DGKD: variants seen among roughly 807,000 people sequenced by gnomAD.
DGKD encodes the protein DAG kinase delta.
In DGKD, 68 loss-of-function variants were observed where a neutral mutation model predicts 154.4. The ratio of observed to expected loss-of-function variants is 0.44; its 90% CI spans 0.36 to 0.54. DGKD has a LOEUF of 0.54. Ranked by LOEUF, DGKD falls within the 20% of genes least tolerant of loss-of-function variation. The pLI is 0.00. For synonymous variants in DGKD, 693 were observed against 638.0 expected (o/e 1.09, Z -1.30); for missense variants, 1,343 against 1,593.6 (o/e 0.84, Z 2.68).
intron 1 of DGKD, among the ~76,000 whole-genome samples, chr2:233,383,228 A>G (rs973780393): frequency 6.6e-6 from 1 of 151,682 alleles, no homozygotes; most frequent in African/African-American, 2.4e-5. Context: ...TTTAGTAGAG[A>G]CAGGGTTTCG....
intron 3 of DGKD, among the ~76,000 whole-genome samples, chr2:233,398,637 C>CT (rs1375076877): frequency 6.6e-6 from 1 of 151,194 alleles, no homozygotes; most frequent in Non-Finnish European, 1.5e-5. Context: ...CGCTTGTTTG[C>CT]TTTTTTTGAG....
chr2:233,458,211 G>A lies in DGKD; in HGVS notation c.2581-73G>A, dbSNP rs1448697051. The A allele has an allele frequency of 5.3e-6, 5 of 945,470 alleles. No homozygotes were observed. In the African/African-American group the frequency reaches 6.4e-5, roughly 12 times the overall value. The allele number at this position is 945,470 out of a possible 1,614,324, so 58.6% of individuals were successfully genotyped here. On this transcript the variant is annotated intron_variant, in intron 21 of 29. Transcript: ENST00000264057. The surrounding 1 kb of genome is among the most constrained non-coding windows in gnomAD (Gnocchi z 6.6). ...TAGGAGGGGCTGACCCCCAGAGGGAGGGAGTGAGGGTAGGGGCGGCCTGTG... is the reference window on the plus strand; with the variant it reads ...TAGGAGGGGCTGACCCCCAGAGGGAAGGAGTGAGGGTAGGGGCGGCCTGTG...
At position 233,450,078 on chromosome 2, in the gene DGKD, CACT is replaced by C. The variant is rs1429735236; in HGVS notation, c.1986_1988del (p.Leu663del). The C allele has an allele frequency of 1.9e-6, 3 of 1,613,986 alleles. No homozygotes were observed. The highest frequency in any genetic ancestry group is 3.3e-5 in the Admixed American group (2 of 60,006). On this transcript the variant is annotated inframe_deletion, in exon 16 of 30. Transcript: ENST00000264057. ...AAGATGGACCACAGAGTGTGCCCAC[CACT>C]GTCCCACAGCGAGAGCTTCGGGGTC...
chr2:233,385,315 C>T (rs1212468762), intron 1 of DGKD, among the ~76,000 whole-genome samples: 1 of 152,170 alleles, frequency 6.6e-6, no homozygotes, highest in Non-Finnish European at 1.5e-5. Flanking sequence ...CCAGCTCAGG[C>T]CCAGTGCTCT....
intron 3 of DGKD, among the ~76,000 whole-genome samples, chr2:233,420,471 T>G (rs1243405757): frequency 6.6e-6 from 1 of 152,212 alleles, no homozygotes; most frequent in East Asian, 1.9e-4. Context: ...TTCTTCCTGC[T>G]CCCCCTTCCC....
chr2:233,469,143 G>C (rs1247933588), intron 29 of DGKD, among the ~76,000 whole-genome samples: 3 of 152,250 alleles, frequency 2.0e-5, no homozygotes, highest in Non-Finnish European at 4.4e-5. Flanking sequence ...TCTTTGTCTT[G>C]GATTTGTCCT....
At chr2:233,379,432 C>T (rs1702767694) in intron 1 of DGKD, among the ~76,000 whole-genome samples, 1 of 152,172 alleles carries the variant, frequency 6.6e-6, no homozygotes, top group South Asian at 2.1e-4. Flanking sequence ...CACGTGAAGC[C>T]TTCCTAGATG....
chr2:233,454,551 A>G (rs189021734), intron 18 of DGKD: 512 of 550,816 alleles, frequency 9.3e-4, no homozygotes, highest in Non-Finnish European at 1.3e-3. Context: ...TTATCTAGTG[A>G]TGGTTAAATG....
chr2:233,400,454 G>T (rs1250160290), intron 3 of DGKD, among the ~76,000 whole-genome samples: 1 of 152,204 alleles, frequency 6.6e-6, no homozygotes, highest in African/African-American at 2.4e-5. Context: ...TGTCTGAGAC[G>T]CCTCATGCTG....
intron 12 of DGKD, among the ~76,000 whole-genome samples, chr2:233,447,106 C>T (rs894698783): frequency 3.9e-5 from 6 of 152,198 alleles, no homozygotes; most frequent in East Asian, 1.9e-4. Context: ...GCAGTGAGCC[C>T]CAAACGGTGC....
chr2:233,367,394 G>A (rs903535119), intron 1 of DGKD, among the ~76,000 whole-genome samples: 5 of 151,858 alleles, frequency 3.3e-5, no homozygotes, highest in Non-Finnish European at 7.4e-5. Context: ...ATGCCCGGCT[G>A]ATTTTTTTAT....
chr2:233,397,225 T>C (rs71359946), intron 3 of DGKD, among the ~76,000 whole-genome samples: 9 of 13,392 alleles, frequency 6.7e-4, no homozygotes, highest in Admixed American at 5.7e-3. Flanking sequence ...GGTGCCAGAG[T>C]GAGAGGACTC....
chr2:233,390,994 A>G (rs1703568497), intron 3 of DGKD, among the ~76,000 whole-genome samples: 1 of 152,186 alleles, frequency 6.6e-6, no homozygotes, highest in South Asian at 2.1e-4. Context: ...TGGCCTCCCA[A>G]AATCCTGGGA....
chr2:233,367,840 C>CT (rs1409097749), intron 1 of DGKD, among the ~76,000 whole-genome samples: 2 of 132,738 alleles, frequency 1.5e-5, no homozygotes, highest in African/African-American at 3.0e-5. Context: ...TTTTCTTCCT[C>CT]TTTTTTTTTT....
intron 3 of DGKD, among the ~76,000 whole-genome samples, chr2:233,394,145 C>T (rs1200444125): frequency 6.6e-6 from 1 of 152,198 alleles, no homozygotes; most frequent in Non-Finnish European, 1.5e-5. Context: ...TTTTCACCTT[C>T]TCCATTTTGA....
At chr2:233,368,323 G>A (rs374765919) in intron 1 of DGKD, among the ~76,000 whole-genome samples, 1 of 151,814 alleles carries the variant, frequency 6.6e-6, no homozygotes, top group African/African-American at 2.4e-5. Flanking sequence ...CAGCCTGGCC[G>A]ATATGGTAAA....
Position 233,377,078 on chromosome 2 carries a change from CTT to C in DGKD, c.157-11160_157-11159del, listed in dbSNP as rs755610624. Among the ~76,000 whole-genome samples, 562 of 129,256 alleles carry C rather than the reference CTT, an allele frequency of 4.3e-3. 3 individuals are homozygous for C. The highest frequency in any genetic ancestry group is 0.016 in the African/African-American group (519 of 33,472). The allele number at this position is 129,256 out of a possible 152,430, so 84.8% of individuals were successfully genotyped here. On this transcript the variant is annotated intron_variant, in intron 1 of 29. Coordinates refer to ENST00000264057, the MANE Select transcript of DGKD (RefSeq NM_152879.3). ...AAGATATTAATAGCGTAGCATGTTC[CTT>C]TTTTTTTTTTTTTTTTTTGGAGACG...
chr2:233,354,527 G>C lies in DGKD; in HGVS notation c.9G>C (p.Ala3=). The change falls in exon 1 of 30, where the codon GCG becomes GCC. Residue 3 remains alanine (A), a synonymous_variant. Transcript: ENST00000264057. This position sits in a 1 kb window ranked among gnomAD's most constrained non-coding sequence, Gnocchi z 4.8. The part of the protein sequence containing the change: MA[A]AAGAPPPGPP... ...CGCGCTGGCCCGGCAGCATGGCGGC[G>C]GCGGCGGGCGCCCCTCCGCCGGGTC... is the stretch of plus-strand genomic sequence containing the variant. The C allele has an allele frequency of 1.0e-6, 1 of 988,372 alleles. No individual in the cohort carries two copies. Among genetic ancestry groups the C allele is most frequent in the Non-Finnish European group, 1.2e-6 (1 of 833,956 alleles). 61.2% of individuals were successfully genotyped at this position (988,372 alleles called of 1,614,324 possible).
At chr2:233,382,081 A>G (rs1702933718) in intron 1 of DGKD, among the ~76,000 whole-genome samples, 1 of 152,146 alleles carries the variant, frequency 6.6e-6, no homozygotes, top group Admixed American at 6.5e-5. Flanking sequence ...TAAAAATACA[A>G]AAAATTAACC....
Sources: gnomAD v4.1 joint callset for allele counts (sites outside exome capture counted in the v4.1 genomes callset) on GRCh38, gnomAD v4.1.1 for gene constraint, Gnocchi (gnomAD v3.1) non-coding constraint, MANE v1.5 for transcripts, NCBI Gene and HGNC (gene_info 2026-07-23, HGNC 2026-07-21) for gene names.